The following CBFA2T3 variants were observed in gnomAD, a reference collection of about 807,000 sequenced individuals.
The protein encoded by CBFA2T3 is transcriptional corepressor CBFA2T3.
In CBFA2T3, 31 loss-of-function variants were observed where a neutral mutation model predicts 58.6. The ratio of observed to expected loss-of-function variants is 0.53; its 90% CI spans 0.40 to 0.71. CBFA2T3 has a LOEUF of 0.71. Ranked by LOEUF, CBFA2T3 falls within the 30% of genes least tolerant of loss-of-function variation. The probability of loss-of-function intolerance (pLI) is 0.00; values close to 1 mark genes in which losing one functional copy is unlikely to be tolerated. For synonymous variants in CBFA2T3, 531 were observed against 421.9 expected (o/e 1.26, Z -3.17); for missense variants, 1,076 against 963.1 (o/e 1.12, Z -1.55).
intron 1 of CBFA2T3, among the ~76,000 whole-genome samples, chr16:88,901,954 C>T (rs1970115742): frequency 1.3e-5 from 2 of 152,234 alleles, no homozygotes; most frequent in Non-Finnish European, 2.9e-5. Flanking sequence ...GAGGCTTCTA[C>T]AGACCAGGGA....
chr16:88,909,123 C>A (rs769315084), intron 1 of CBFA2T3, among the ~76,000 whole-genome samples: 1 of 152,238 alleles, frequency 6.6e-6, no homozygotes, highest in African/African-American at 2.4e-5. Context: ...TCTCCTGTTA[C>A]TCCAGCCGAA....
At position 88,976,738 on chromosome 16, in the gene CBFA2T3, G is replaced by C. The variant is rs1972872615; in HGVS notation, c.70C>G (p.Gln24Glu). 2 of 1,557,244 alleles carry C rather than the reference G, an allele frequency of 1.3e-6. No individual in the cohort carries two copies. The highest frequency in any genetic ancestry group is 1.7e-6 in the Non-Finnish European group (2 of 1,150,522). The change falls in exon 1 of 12, where the codon CAG (glutamine) becomes GAG (glutamate). Residue 24 changes from glutamine (Q) to glutamate (E), a missense_variant. Transcript: ENST00000268679. ...CCGCTCTCCAGCACAGGGTGCGTCT[G>C]GGACATGGAGCCACAGGTGGATCCC... is the stretch of plus-strand genomic sequence containing the variant. Reference protein sequence around the residue: ...ASGSTCGSMSQTHPVLESGLL... With the variant: ...ASGSTCGSMSETHPVLESGLL...
chr16:88,877,067 C>T lies in CBFA2T3; in HGVS notation c.1871G>A (p.Gly624Asp). ...GCCGGCTTCGCTGGGGCTGGCAGCA[C>T]CCACAGGCAGGGAGGGGCCCAGGCT... ...AHSLGPSLPV[G>D]AASPSEAGSA... is the part of the protein sequence containing the mutation. The change falls in exon 12 of 12, where the codon GGT (glycine) becomes GAT (aspartate). Residue 624 changes from glycine to aspartate, a missense_variant. Physicochemically the swap from Gly to Asp is moderately conservative, Grantham distance 94. Coordinates refer to ENST00000268679, the MANE Select transcript of CBFA2T3 (RefSeq NM_005187.6). The T allele has an allele frequency of 6.5e-7, 1 of 1,529,710 alleles. No individual in the cohort carries two copies. The highest frequency in any genetic ancestry group is 8.8e-7 in the Non-Finnish European group (1 of 1,136,208). 94.8% of individuals were successfully genotyped at this position (1,529,710 alleles called of 1,614,324 possible).
At chr16:88,914,090 G>C (rs1465389879) in intron 1 of CBFA2T3, among the ~76,000 whole-genome samples, 2 of 152,206 alleles carry the variant, frequency 1.3e-5, no homozygotes, top group Non-Finnish European at 2.9e-5. Context: ...AAGGAAAAAG[G>C]ACAGGCCCAC....
chr16:88,891,374 G>C (rs1011112114), intron 5 of CBFA2T3, among the ~76,000 whole-genome samples: 1 of 152,142 alleles, frequency 6.6e-6, no homozygotes, highest in Non-Finnish European at 1.5e-5. Flanking sequence ...CCAAGCAAAG[G>C]ACTTTCGGAA....
At chr16:88,962,329 A>G (rs1223878726) in intron 1 of CBFA2T3, among the ~76,000 whole-genome samples, 1 of 152,270 alleles carries the variant, frequency 6.6e-6, no homozygotes, top group Non-Finnish European at 1.5e-5. Flanking sequence ...CTTTTACAAA[A>G]GCATCAATTG....
chr16:88,937,381 G>T (rs1363351963), intron 1 of CBFA2T3: 2 of 152,876 alleles, frequency 1.3e-5, no homozygotes, highest in African/African-American at 4.8e-5. Flanking sequence ...CACCTCCCTA[G>T]CCAGTACCCC....
In CBFA2T3 at chr16:88,936,573, C is replaced by T. The variant is rs371023786; in HGVS notation, c.152-34917G>A. Among the ~76,000 whole-genome samples the T allele has an allele frequency of 3.5e-4, 54 of 152,292 alleles. No homozygotes were observed. The East Asian group carries it at 8.7e-3, about 25-fold the overall frequency. On this transcript the variant is annotated intron_variant, in intron 1 of 11. Coordinates refer to ENST00000268679, the MANE Select transcript of CBFA2T3 (RefSeq NM_005187.6). ...GAGGCTCTGAGCTGCCCAGACCCGA[C>T]GGGGCAGAACCGGCCCTGGGTGGCT...
chr16:88,966,005 C>G (rs1188885189), intron 1 of CBFA2T3, among the ~76,000 whole-genome samples: 1 of 152,232 alleles, frequency 6.6e-6, no homozygotes, highest in African/African-American at 2.4e-5. Flanking sequence ...GCAGCAGGAA[C>G]AGAGAGACCC....
At chr16:88,889,842 T>G (rs918412329) in intron 5 of CBFA2T3, among the ~76,000 whole-genome samples, 4 of 138,264 alleles carry the variant, frequency 2.9e-5, no homozygotes, top group African/African-American at 1.1e-4. Flanking sequence ...GCCCCGCGAT[T>G]CCTCCTCCTC....
intron 1 of CBFA2T3, among the ~76,000 whole-genome samples, chr16:88,927,973 G>A (rs1971139469): frequency 6.6e-6 from 1 of 152,222 alleles, no homozygotes; most frequent in Non-Finnish European, 1.5e-5. Flanking sequence ...GAGCCGCAGG[G>A]AGGGCCTCAC....
At chr16:88,890,133 C>T (rs1969568958) in intron 5 of CBFA2T3, among the ~76,000 whole-genome samples, 1 of 152,112 alleles carries the variant, frequency 6.6e-6, no homozygotes. Flanking sequence ...CCGCGTGAAT[C>T]TAGAACATGC....
intron 1 of CBFA2T3, among the ~76,000 whole-genome samples, chr16:88,968,609 G>C (rs779484221): frequency 1.3e-5 from 2 of 152,202 alleles, no homozygotes; most frequent in African/African-American, 4.8e-5. Context: ...ATATGCTGCC[G>C]TGTTGGAGGG....
chr16:88,924,903 C>G (rs1009267196), intron 1 of CBFA2T3, among the ~76,000 whole-genome samples: 1 of 152,224 alleles, frequency 6.6e-6, no homozygotes, highest in Admixed American at 6.5e-5. Flanking sequence ...GCTCTCTCCA[C>G]CAAGGCCACA....
chr16:88,910,717 G>A (rs116340669), intron 1 of CBFA2T3, among the ~76,000 whole-genome samples: 1,858 of 152,296 alleles, frequency 0.012, 33 homozygotes, highest in African/African-American at 0.042. Context: ...TGCTGACTCC[G>A]GGAAGGGCCC....
At chr16:88,964,163 C>A (rs545398957) in intron 1 of CBFA2T3, among the ~76,000 whole-genome samples, 1 of 152,228 alleles carries the variant, frequency 6.6e-6, no homozygotes, top group African/African-American at 2.4e-5. Context: ...TCTGCAAACA[C>A]GGCTTGGGGT....
At chr16:88,961,319 C>T (rs1972348699) in intron 1 of CBFA2T3, among the ~76,000 whole-genome samples, 1 of 152,196 alleles carries the variant, frequency 6.6e-6, no homozygotes, top group African/African-American at 2.4e-5. Context: ...AACCGACACT[C>T]ACCCCTGGGC....
chr16:88,975,984 C>T (rs1437112087), intron 1 of CBFA2T3, among the ~76,000 whole-genome samples: 1 of 152,234 alleles, frequency 6.6e-6, no homozygotes, highest in African/African-American at 2.4e-5. Context: ...ATCGGGGCCA[C>T]CAGCCTGCAG....
intron 1 of CBFA2T3, among the ~76,000 whole-genome samples, chr16:88,906,107 T>C (rs1970323169): frequency 6.6e-6 from 1 of 152,028 alleles, no homozygotes; most frequent in Non-Finnish European, 1.5e-5. Context: ...ATGGTGGCTA[T>C]TATTATCCTC....
Sources: gnomAD v4.1 joint callset for allele counts (sites outside exome capture counted in the v4.1 genomes callset) on GRCh38, gnomAD v4.1.1 for gene constraint, MANE v1.5 for transcripts, NCBI Gene and HGNC (gene_info 2026-07-23, HGNC 2026-07-21) for gene names.